Variants in STX6 observed in about 807,000 individuals in gnomAD.
STX6 encodes syntaxin-6.
In STX6, 23 loss-of-function variants were observed where a neutral mutation model predicts 38.0. That is an observed-to-expected ratio of 0.60 (90% CI 0.43 to 0.86). The LOEUF (loss-of-function observed/expected upper bound fraction) is 0.86. STX6 is among the 40% of genes least tolerant of loss of function. The pLI is 0.00. For missense variants in STX6, 274 were observed against 312.9 expected, an observed-to-expected ratio of 0.88 and a Z score of 0.94; for synonymous variants, 123 against 107.5, an observed-to-expected ratio of 1.14 and a Z score of -0.89.
At chr1:180,987,800 T>TAAAAA (rs1383896514) in intron 6 of STX6, 1 of 142,806 alleles carries the variant, frequency 7.0e-6, no homozygotes, top group Admixed American at 6.8e-5. Flanking sequence ...AAGTTTTTTT[T>TAAAAA]AAAAAAAAAA....
chr1:180,983,631 T>C (rs1655475781), intron 7 of STX6, among the ~76,000 whole-genome samples: 1 of 152,178 alleles, frequency 6.6e-6, no homozygotes, highest in South Asian at 2.1e-4. Context: ...TCTGAAGTAG[T>C]AGGTATTTTT....
chr1:180,986,992 C>T (rs1054157896), intron 6 of STX6, among the ~76,000 whole-genome samples: 2 of 152,170 alleles, frequency 1.3e-5, no homozygotes, highest in African/African-American at 2.4e-5. Context: ...GACTCCACTG[C>T]AGCACATCAT....
intron 7 of STX6, among the ~76,000 whole-genome samples, chr1:180,977,509 G>A (rs1011110501): frequency 1.8e-4 from 27 of 152,234 alleles, no homozygotes; most frequent in African/African-American, 6.3e-4. Flanking sequence ...GGGCACAGAG[G>A]ATGCTGTCAA....
intron 3 of STX6, among the ~76,000 whole-genome samples, chr1:180,998,154 A>G: frequency 6.6e-6 from 1 of 152,164 alleles, no homozygotes; most frequent in Non-Finnish European, 1.5e-5. Context: ...ACTTCTTGAA[A>G]ATTTTCTCTA....
chr1:180,986,498 G>A (rs1655589324), intron 6 of STX6, among the ~76,000 whole-genome samples: 2 of 152,266 alleles, frequency 1.3e-5, no homozygotes, highest in Admixed American at 1.3e-4. Flanking sequence ...TATTATACTG[G>A]ATGGCACAGG....
intron 4 of STX6, among the ~76,000 whole-genome samples, chr1:180,991,796 T>G (rs1655763251): frequency 6.6e-6 from 1 of 152,104 alleles, no homozygotes; most frequent in Non-Finnish European, 1.5e-5. Context: ...CTGGAGTGCT[T>G]AGAGAGCCCT....
At chr1:181,022,435 G>A (rs1235817381) in intron 1 of STX6, among the ~76,000 whole-genome samples, 1 of 152,152 alleles carries the variant, frequency 6.6e-6, no homozygotes, top group East Asian at 1.9e-4. Context: ...GGCTTGGCTG[G>A]GGACAGTGGC....
chr1:180,985,425 A>G (rs1247926887), intron 6 of STX6, among the ~76,000 whole-genome samples: 1 of 152,238 alleles, frequency 6.6e-6, no homozygotes, highest in African/African-American at 2.4e-5. Flanking sequence ...AAACAAAAGC[A>G]CTTTATGTCA....
intron 5 of STX6, 136 bp downstream of exon 5, chr1:180,989,848 T>G (rs1162053191): frequency 9.2e-7 from 1 of 1,081,978 alleles, no homozygotes; most frequent in Non-Finnish European, 1.3e-6. Flanking sequence ...ATGCAATTAT[T>G]AAACACAATC....
intron 1 of STX6, among the ~76,000 whole-genome samples, chr1:181,007,343 T>G (rs1571347485): frequency 6.6e-6 from 1 of 152,202 alleles, no homozygotes; most frequent in African/African-American, 2.4e-5. Flanking sequence ...AGTCTGTACA[T>G]GTTCAGTAGG....
intron 3 of STX6, among the ~76,000 whole-genome samples, chr1:181,002,185 ATTT>A (rs112055963): frequency 5.4e-5 from 8 of 148,272 alleles, no homozygotes; most frequent in African/African-American, 1.5e-4. Flanking sequence ...AATCACGGAA[ATTT>A]TTTTTTTTTT....
intron 3 of STX6, among the ~76,000 whole-genome samples, chr1:180,997,315 C>T (rs1655941987): frequency 6.6e-6 from 1 of 152,196 alleles, no homozygotes; most frequent in Non-Finnish European, 1.5e-5. Flanking sequence ...CCACTAGCTA[C>T]TGAGCACTTA....
chr1:181,012,761 G>A (rs1656442598), intron 1 of STX6, among the ~76,000 whole-genome samples: 1 of 138,308 alleles, frequency 7.2e-6, no homozygotes, highest in Admixed American at 8.0e-5. Context: ...CACAACCTCC[G>A]CCTCCCAGGT....
At chr1:181,002,835 A>G (rs1205102437) in intron 2 of STX6, 135 bp from the exon 3 acceptor site, 1 of 609,326 alleles carries the variant, frequency 1.6e-6, no homozygotes, top group African/African-American at 1.9e-5. Flanking sequence ...CTGGACACCA[A>G]TCATTCTCAG....
intron 1 of STX6, among the ~76,000 whole-genome samples, chr1:181,012,732 T>C (rs1489993356): frequency 7.0e-6 from 1 of 143,684 alleles, no homozygotes; most frequent in Non-Finnish European, 1.5e-5. Flanking sequence ...TGGAGTACAA[T>C]GGCACAATCT....
In STX6 at chr1:181,002,619, C is replaced by A; in HGVS notation, c.287G>T (p.Arg96Leu). Residue 96 changes from arginine (R) to leucine (L), a missense_variant, in exon 3 of 8, where the codon CGG (arginine) becomes CTG (leucine). Physicochemically the swap from Arg to Leu is moderately radical, Grantham distance 102. Coordinates refer to ENST00000258301, the MANE Select transcript of STX6 (RefSeq NM_005819.6). ...SIRKAFITST[R>L]QVVRDMKDQM... ...CATATTCCTTACCCTGACAACTTGCCGAGTACTTGTAATGAAGGCTTTTCT... is the reference window on the plus strand; with the variant it reads ...CATATTCCTTACCCTGACAACTTGCAGAGTACTTGTAATGAAGGCTTTTCT... 6.2e-7 allele frequency: 1 copy of A among 1,611,842 alleles called. No homozygotes were observed. The highest frequency in any genetic ancestry group is 1.7e-5 in the Admixed American group (1 of 59,954).
intron 4 of STX6, among the ~76,000 whole-genome samples, chr1:180,992,683 G>A (rs1427424590): frequency 6.6e-6 from 1 of 152,170 alleles, no homozygotes; most frequent in Non-Finnish European, 1.5e-5. Flanking sequence ...CAATCTAAAT[G>A]AAAGTCCAAA....
intron 3 of STX6, among the ~76,000 whole-genome samples, chr1:181,001,003 C>A (rs549193322): frequency 2.6e-5 from 4 of 152,010 alleles, no homozygotes; most frequent in Non-Finnish European, 5.9e-5. Flanking sequence ...TTAAGAATGT[C>A]CAATCCAAAC....
At chr1:181,014,251 G>A (rs1417944206) in intron 1 of STX6, among the ~76,000 whole-genome samples, 1 of 151,978 alleles carries the variant, frequency 6.6e-6, no homozygotes. Context: ...AAAATTAGCC[G>A]GGTGTGGTGG....
Sources: gnomAD v4.1 joint callset for allele counts (sites outside exome capture counted in the v4.1 genomes callset) on GRCh38, gnomAD v4.1.1 for gene constraint, MANE v1.5 for transcripts, NCBI Gene and HGNC (gene_info 2026-07-23, HGNC 2026-07-21) for gene names.